Variants in CTTNBP2 observed in about 807,000 individuals in gnomAD.
CTTNBP2 encodes the protein cortactin binding protein 2.
CTTNBP2 carries 108 observed loss-of-function variants against 156.9 expected under a neutral mutation model. That is an observed-to-expected ratio of 0.69 (90% CI 0.59 to 0.81). The LOEUF is 0.81. Among genes scored for constraint, CTTNBP2 ranks in the 30% least tolerant of loss-of-function variants. CTTNBP2 has a pLI of 0.00. For missense variants in CTTNBP2, 1,924 were observed against 2,035.4 expected, an observed-to-expected ratio of 0.95 and a Z score of 1.05; for synonymous variants, 767 against 751.8, an observed-to-expected ratio of 1.02 and a Z score of -0.33.
At chr7:117,856,640 G>C (rs557989186) in intron 2 of CTTNBP2, among the ~76,000 whole-genome samples, 88 of 152,208 alleles carry the variant, frequency 5.8e-4, no homozygotes, top group Admixed American at 1.2e-3. Context: ...TTTATATGAA[G>C]GTTAGGAGGA....
chr7:117,760,663 T>G lies in CTTNBP2; in HGVS notation c.2944A>C (p.Ser982Arg). The G allele has an allele frequency of 6.2e-7, 1 of 1,612,896 alleles. No homozygotes were observed. The highest frequency in any genetic ancestry group is 8.5e-7 in the Non-Finnish European group (1 of 1,178,922). Residue 982 changes from serine (S) to arginine (R), a missense_variant, in exon 10 of 23, where the codon AGC becomes CGC. Transcript: ENST00000160373. Reference protein sequence around the residue: ...LRISVGEIEPSNYGSDDLECE... With the variant: ...LRISVGEIEPRNYGSDDLECE... The stretch of plus-strand genomic sequence containing the variant: ...TCCAAGTCATCAGAACCATAGTTGC[T>G]TGGTTCAATCTCACCCACTGAAATC...
At chr7:117,717,855 T>TCTTTCCTATAAGC (rs1794527498) in intron 22 of CTTNBP2, among the ~76,000 whole-genome samples, 163 bp downstream of exon 22, 2 of 151,962 alleles carry the variant, frequency 1.3e-5, no homozygotes, top group Non-Finnish European at 2.9e-5. Context: ...ATTCTATAAG[T>TCTTTCCTATAAGC]ACTCTTTCTA....
chr7:117,720,306 A>T (rs979876035), intron 20 of CTTNBP2, among the ~76,000 whole-genome samples: 3 of 152,190 alleles, frequency 2.0e-5, no homozygotes, highest in Non-Finnish European at 4.4e-5. Flanking sequence ...CTATTTACAA[A>T]CTGCCTAAAC....
intron 12 of CTTNBP2, among the ~76,000 whole-genome samples, chr7:117,751,059 A>G (rs1796596383): frequency 6.6e-6 from 1 of 152,226 alleles, no homozygotes; most frequent in Non-Finnish European, 1.5e-5. Flanking sequence ...CTATTCAGGA[A>G]GCTCATCACA....
intron 2 of CTTNBP2, among the ~76,000 whole-genome samples, chr7:117,811,317 G>A (rs553478695): frequency 2.3e-4 from 34 of 148,248 alleles, no homozygotes; most frequent in South Asian, 8.7e-4. Flanking sequence ...CCTCCACCCC[G>A]CCCAACAGGG....
chr7:117,791,822 G>T lies in CTTNBP2; in HGVS notation c.1374C>A (p.Asp458Glu). ...ARFRFQGNANDPDQNGNTTQS... is the reference protein window; with the variant it reads ...ARFRFQGNANEPDQNGNTTQS... Reference sequence around the variant, plus strand: ...GGGTAGTATTTCCATTTTGGTCTGGGTCGTTAGCATTGCCCTGAAATCTAA... The same window carrying T: ...GGGTAGTATTTCCATTTTGGTCTGGTTCGTTAGCATTGCCCTGAAATCTAA... Residue 458 changes from aspartate (D) to glutamate (E), a missense_variant, in exon 4 of 23, where the codon GAC (aspartate) becomes GAA (glutamate). By Grantham distance (45) the Asp-to-Glu change is conservative. Coordinates refer to ENST00000160373, the MANE Select transcript of CTTNBP2 (RefSeq NM_033427.3). 1 of 1,614,186 alleles carries T rather than the reference G, an allele frequency of 6.2e-7. No individual in the cohort carries two copies. The highest frequency in any genetic ancestry group is 8.5e-7 in the Non-Finnish European group (1 of 1,180,040).
At chr7:117,773,700 CACACA>C (rs1562992509) in intron 8 of CTTNBP2, among the ~76,000 whole-genome samples, 81 of 125,620 alleles carry the variant, frequency 6.4e-4, no homozygotes, top group East Asian at 5.5e-3. Context: ...CACACACACA[CACACA>C]CACCCCAAAA....
chr7:117,782,982 C>A, intron 5 of CTTNBP2, 21 bp from the exon 6 acceptor site: 1 of 1,573,660 alleles, frequency 6.4e-7, no homozygotes, highest in Non-Finnish European at 8.7e-7. Flanking sequence ...TAATAGAAAG[C>A]CATGTAAATT....
chr7:117,757,988 A>C lies in CTTNBP2; in HGVS notation c.3173-18T>G. ...CACATTTCCTAGTTTCAAAAAATGA[A>C]ATAAAATGTCAAGGGAAGCTTATGA... On this transcript the variant is annotated intron_variant, in intron 10 of 22. Transcript: ENST00000160373. 2 of 1,596,820 alleles carry C rather than the reference A, an allele frequency of 1.3e-6. No homozygotes were observed.
intron 3 of CTTNBP2, among the ~76,000 whole-genome samples, chr7:117,804,739 G>A (rs1424726771): frequency 6.6e-6 from 1 of 152,158 alleles, no homozygotes; most frequent in Non-Finnish European, 1.5e-5. Flanking sequence ...ATAGACACAG[G>A]GAGGGGCACA....
At chr7:117,830,223 T>C (rs562034439) in intron 2 of CTTNBP2, among the ~76,000 whole-genome samples, 63 of 152,352 alleles carry the variant, frequency 4.1e-4, no homozygotes, top group African/African-American at 1.4e-3. Context: ...TTAAAATACA[T>C]GCACAAGTAC....
At chr7:117,744,052 T>TA (rs934787669) in intron 14 of CTTNBP2, among the ~76,000 whole-genome samples, 5 of 152,226 alleles carry the variant, frequency 3.3e-5, no homozygotes, top group African/African-American at 1.2e-4. Flanking sequence ...ATAGTAGGTG[T>TA]ATGTATTTGT....
chr7:117,808,751 T>C lies in CTTNBP2; in HGVS notation c.414+2014A>G, dbSNP rs76258957. Among the ~76,000 whole-genome samples, 50 of 152,334 alleles carry C rather than the reference T, an allele frequency of 3.3e-4. No individual in the cohort carries two copies. In the East Asian group the frequency reaches 9.6e-3, roughly 29 times the overall value. Reference sequence around the variant, plus strand: ...CTTTTAGATGTCTAAAGCTGCAATTTACTCTACATGCGAGGGAACTGAAGA... The same window carrying C: ...CTTTTAGATGTCTAAAGCTGCAATTCACTCTACATGCGAGGGAACTGAAGA... On this transcript the variant is annotated intron_variant, in intron 3 of 22. Transcript: ENST00000160373.
intron 3 of CTTNBP2, among the ~76,000 whole-genome samples, chr7:117,795,984 T>C (rs28537841): frequency 0.1 from 15,189 of 152,158 alleles, 1,120 homozygotes; most frequent in African/African-American, 0.2. Flanking sequence ...ACCTCTACCT[T>C]TCCCCAAATC....
rs1430725847 is a variant in CTTNBP2, at chr7:117,792,033, G to A, written c.1163C>T (p.Thr388Ile). The A allele has an allele frequency of 1.2e-6, 2 of 1,614,146 alleles. No individual in the cohort carries two copies. The highest frequency in any genetic ancestry group is 1.7e-6 in the Non-Finnish European group (2 of 1,180,028). The change falls in exon 4 of 23, where the codon ACT becomes ATT. Residue 388 changes from threonine to isoleucine, a missense_variant. Physicochemically the swap from Thr to Ile is moderately conservative, Grantham distance 89. Transcript: ENST00000160373. The surrounding 1 kb of genome is among the most constrained non-coding windows in gnomAD (Gnocchi z 4.2). ...ACTGGTTGGATCTGGTGTTGAGCCA[G>A]TGCTTGGTCCATTTTCCTCAATTTT... ...ANKIEENGPS[T>I]GSTPDPTSST... is the part of the protein sequence containing the mutation.
At chr7:117,865,671 C>CAAAAAAAAAAAAA (rs61533705) in intron 1 of CTTNBP2, among the ~76,000 whole-genome samples, 1 of 74,508 alleles carries the variant, frequency 1.3e-5, no homozygotes, top group African/African-American at 5.2e-5. Flanking sequence ...ACTCCATCTC[C>CAAAAAAAAAAAAA]AAAAAAAAAA....
At position 117,724,623 on chromosome 7, in the gene CTTNBP2, C is replaced by A; in HGVS notation, c.4371G>T (p.Lys1457Asn). ...ACTTCCTGCGAGGACTGGTGTTCACCTTTCTCCAGGCACCACTCTCTCCTT... is the reference window on the plus strand; with the variant it reads ...ACTTCCTGCGAGGACTGGTGTTCACATTTCTCCAGGCACCACTCTCTCCTT... Reference protein sequence around the residue: ...KKKGESGAWRKVNTSPRRKSG... With the variant: ...KKKGESGAWRNVNTSPRRKSG... The change falls in exon 19 of 23, where the codon AAG (lysine) becomes AAT (asparagine). Residue 1457 changes from lysine (K) to asparagine (N), a missense_variant. Transcript: ENST00000160373. 2.5e-6 allele frequency: 4 copies of A among 1,614,128 alleles called. No homozygotes were observed. Among genetic ancestry groups the A allele is most frequent in the Non-Finnish European group, 3.4e-6 (4 of 1,180,026 alleles).
intron 2 of CTTNBP2, among the ~76,000 whole-genome samples, chr7:117,819,367 T>TCTCTCTCTCTCTCTCA: frequency 1.5e-5 from 2 of 130,706 alleles, no homozygotes; most frequent in Middle Eastern, 4.2e-3. Flanking sequence ...TCTCTCTCTC[T>TCTCTCTCTCTCTCTCA]CACACACACA....
intron 14 of CTTNBP2, among the ~76,000 whole-genome samples, chr7:117,737,207 T>C (rs574422803): frequency 4.6e-4 from 70 of 152,328 alleles, no homozygotes; most frequent in African/African-American, 1.6e-3. Context: ...TTTCTTTGGG[T>C]TCAAATGTTA....
Sources: allele counts gnomAD v4.1 joint callset (sites outside exome capture counted in the v4.1 genomes callset), GRCh38; gene constraint gnomAD v4.1.1; non-coding constraint Gnocchi (gnomAD v3.1); transcripts MANE v1.5; gene names NCBI Gene and HGNC (gene_info 2026-07-23, HGNC 2026-07-21).